The following ZNF875 variants were observed in gnomAD, a reference collection of about 807,000 sequenced individuals.
The protein encoded by ZNF875 is HKR1, GLI-Kruppel zinc finger family member.
ZNF875 carries 14 observed loss-of-function variants against 11.2 expected under a neutral mutation model. That is an observed-to-expected ratio of 1.26 (90% CI 0.83 to 1.96). The LOEUF (loss-of-function observed/expected upper bound fraction) is 1.96. Among genes scored for constraint, ZNF875 ranks in the 30% most tolerant of loss-of-function variants. The probability of loss-of-function intolerance (pLI) is 0.00; values close to 1 mark genes in which losing one functional copy is unlikely to be tolerated. For missense variants in ZNF875, 752 were observed against 760.4 expected, an observed-to-expected ratio of 0.99 and a Z score of 0.13; for synonymous variants, 301 against 281.1, an observed-to-expected ratio of 1.07 and a Z score of -0.71.
At chr19:37,347,109 G>T in intron 2 of ZNF875, 81 bp from the exon 3 acceptor site, 2 of 1,595,138 alleles carry the variant, frequency 1.3e-6, no homozygotes, top group South Asian at 1.1e-5. Context: ...GAACCACCGG[G>T]CCTGGCCTTG....
upstream of ZNF875, chr19:37,317,183 T>G (rs1446731187): frequency 1.6e-5 from 2 of 126,448 alleles, no homozygotes; most frequent in African/African-American, 6.0e-5. Flanking sequence ...AACCTGGTTT[T>G]TTTTTTTTTT....
chr19:37,328,084 A>C (rs1365774507), intron 4 of ZNF875, among the ~76,000 whole-genome samples: 2 of 152,138 alleles, frequency 1.3e-5, no homozygotes, highest in East Asian at 1.9e-4. Context: ...TTTACTAAAA[A>C]TACAAATTAG....
At chr19:37,314,582 T>C (rs1195561697), upstream of ZNF875, among the ~76,000 whole-genome samples, 2 of 152,122 alleles carry the variant, frequency 1.3e-5, no homozygotes, top group Admixed American at 6.5e-5. Flanking sequence ...CTCAGAACTT[T>C]GGGAGGAAAA....
rs753859684 is a variant in ZNF875 at position 37,334,744 on chromosome 19, A to G, written c.-95A>G. ...CCACACCTCTGCACCTTGTTACCTG[A>G]CTTTCGGCTTCAGGATCCGCAGCGT... On this transcript the variant is annotated 5_prime_UTR_variant, in exon 1 of 5. Transcript: ENST00000392153. 15 of 456,032 alleles carry G rather than the reference A, an allele frequency of 3.3e-5. No homozygotes were observed. The highest frequency in any genetic ancestry group is 6.5e-4 in the Middle Eastern group (2 of 3,070). The allele number at this position is 456,032 out of a possible 1,614,324, so 28.2% of individuals were successfully genotyped here. A position where few individuals can be genotyped will look rare whatever the true frequency, so the allele number is the denominator to read the frequency against.
chr19:37,361,593 C>A (rs1251288747), intron 4 of ZNF875, among the ~76,000 whole-genome samples: 1 of 152,076 alleles, frequency 6.6e-6, no homozygotes, highest in Non-Finnish European at 1.5e-5. Flanking sequence ...CTGGATTTGG[C>A]CTGTCAGGTG....
At chr19:37,339,204 A>G (rs1181049368) in intron 2 of ZNF875, among the ~76,000 whole-genome samples, 1 of 151,892 alleles carries the variant, frequency 6.6e-6, no homozygotes, top group African/African-American at 2.4e-5. Flanking sequence ...CCCTGCAAAC[A>G]TATTTTGACA....
chr19:37,353,439 C>T (rs759850867), intron 4 of ZNF875, among the ~76,000 whole-genome samples: 6 of 152,220 alleles, frequency 3.9e-5, no homozygotes, highest in Admixed American at 2.0e-4. Flanking sequence ...TATAGTAATA[C>T]GTATTTTTAA....
At chr19:37,345,891 T>C (rs1285319648) in intron 2 of ZNF875, among the ~76,000 whole-genome samples, 2 of 152,188 alleles carry the variant, frequency 1.3e-5, no homozygotes, top group Non-Finnish European at 2.9e-5. Context: ...AGGACGGTTA[T>C]ATATTCCCAT....
intron 2 of ZNF875, among the ~76,000 whole-genome samples, chr19:37,341,939 G>A (rs931495734): frequency 6.6e-6 from 1 of 152,220 alleles, no homozygotes; most frequent in Non-Finnish European, 1.5e-5. Context: ...GCATAGAGGA[G>A]GCCTCTCCAT....
chr19:37,323,630 GT>G (rs2031902830), intron 3 of ZNF875: 1 of 152,200 alleles, frequency 6.6e-6, no homozygotes, highest in African/African-American at 2.4e-5. Context: ...TTAAGCTATG[GT>G]TTTGGGCTGC....
At chr19:37,313,551 T>TGGACCTCATCACTATCCCAAAG (rs2030052830), upstream of ZNF875, among the ~76,000 whole-genome samples, 1 of 152,132 alleles carries the variant, frequency 6.6e-6, no homozygotes, top group Non-Finnish European at 1.5e-5. Flanking sequence ...CCTACAATCA[T>TGGACCTCATCACTATCCCAAAG]TGATTCCATG....
At chr19:37,345,776 C>G (rs925167435) in intron 2 of ZNF875, among the ~76,000 whole-genome samples, 3 of 152,118 alleles carry the variant, frequency 2.0e-5, no homozygotes, top group African/African-American at 7.2e-5. Flanking sequence ...TTAAACCCCT[C>G]TATGGACTGC....
At chr19:37,361,174 G>C (rs373857152) in intron 4 of ZNF875, among the ~76,000 whole-genome samples, 9 of 142,268 alleles carry the variant, frequency 6.3e-5, no homozygotes, top group African/African-American at 1.1e-4. Context: ...GTGGTGGCAC[G>C]ATCTCAGCTC....
chr19:37,361,218 C>T (rs2039861510), intron 4 of ZNF875, among the ~76,000 whole-genome samples: 1 of 149,586 alleles, frequency 6.7e-6, no homozygotes, highest in African/African-American at 2.5e-5. Context: ...TCAAGCGATT[C>T]TCCTGCCTCA....
intron 4 of ZNF875, among the ~76,000 whole-genome samples, chr19:37,327,646 TC>T (rs889054622): frequency 6.6e-6 from 1 of 150,430 alleles, no homozygotes; most frequent in African/African-American, 2.4e-5. Flanking sequence ...AGGCCTGTAA[TC>T]CCAGCTACTT....
At chr19:37,344,717 C>T (rs751245115) in intron 2 of ZNF875, 2 of 1,613,644 alleles carry the variant, frequency 1.2e-6, no homozygotes, top group South Asian at 1.1e-5. Context: ...CTACAATGCT[C>T]CCTACATGCA....
chr19:37,362,285 C>G lies in ZNF875; in HGVS notation c.433C>G (p.Pro145Ala). ...YPEDQKQQQD[P>A]FCFSGKAEWI... Reference sequence around the variant, plus strand: ...AGAAGATCAGAAACAACAGCAGGATCCATTCTGCTTTAGTGGCAAAGCAGA... The same window carrying G: ...AGAAGATCAGAAACAACAGCAGGATGCATTCTGCTTTAGTGGCAAAGCAGA... Residue 145 changes from proline to alanine, a missense_variant, in exon 5 of 5, where the codon CCA (proline) becomes GCA (alanine). Physicochemically the swap from Pro to Ala is conservative, Grantham distance 27. Coordinates refer to ENST00000392153, the MANE Select transcript of ZNF875 (RefSeq NM_001353803.2). 1.2e-6 allele frequency: 2 copies of G among 1,614,116 alleles called. No individual in the cohort carries two copies. Among genetic ancestry groups the G allele is most frequent in the Non-Finnish European group, 1.7e-6 (2 of 1,179,996 alleles).
At chr19:37,347,931 A>AGGC (rs2037137585) in intron 4 of ZNF875, 59 bp downstream of exon 4, 2 of 1,005,746 alleles carry the variant, frequency 2.0e-6, no homozygotes, top group Non-Finnish European at 3.2e-6. Context: ...AGGAAGGAGG[A>AGGC]GGCATCTCTC....
intron 1 of ZNF875, among the ~76,000 whole-genome samples, chr19:37,321,610 T>C (rs2031472392): frequency 6.6e-6 from 1 of 152,190 alleles, no homozygotes; most frequent in Non-Finnish European, 1.5e-5. Context: ...TCTGTGTCTC[T>C]TTCTTTTCTC....
Sources: gnomAD v4.1 joint callset for allele counts (sites outside exome capture counted in the v4.1 genomes callset) on GRCh38, gnomAD v4.1.1 for gene constraint, MANE v1.5 for transcripts, NCBI Gene and HGNC (gene_info 2026-07-23, HGNC 2026-07-21) for gene names.